Variants in BLTP3B observed in about 807,000 individuals in gnomAD.
BLTP3B encodes the protein UHRF1 (ICBP90) binding protein 1-like.
At chr12:100,048,101 C>A in the BLTP3B span, 2 of 1,612,938 alleles carry the variant, frequency 1.2e-6, no homozygotes, top group Non-Finnish European at 8.5e-7. Context: ...TTTTTTTCTG[C>A]AAGTAAAGAG....
the BLTP3B span, among the ~76,000 whole-genome samples, chr12:100,038,343 CT>C: frequency 6.6e-6 from 1 of 151,022 alleles, no homozygotes; most frequent in African/African-American, 2.4e-5. Flanking sequence ...CAGACATTTT[CT>C]TTTTTTTTGA....
At chr12:100,064,573 G>A in the BLTP3B span, among the ~76,000 whole-genome samples, 2 of 152,126 alleles carry the variant, frequency 1.3e-5, no homozygotes, top group Non-Finnish European at 2.9e-5. Context: ...AAATCTATCA[G>A]ATTAATAGCA....
chr12:100,060,150 AC>A, the BLTP3B span: 3 of 903,714 alleles, frequency 3.3e-6, no homozygotes, highest in Non-Finnish European at 4.7e-6. Context: ...TTAAGATAAA[AC>A]AAATTTGAGG....
chr12:100,068,243 G>T, the BLTP3B span, among the ~76,000 whole-genome samples: 2 of 152,152 alleles, frequency 1.3e-5, no homozygotes, highest in African/African-American at 4.8e-5. Flanking sequence ...AACATAAAGT[G>T]GGGAAAGGAC....
chr12:100,064,785 C>T, the BLTP3B span, among the ~76,000 whole-genome samples: 11 of 151,130 alleles, frequency 7.3e-5, no homozygotes, highest in African/African-American at 2.2e-4. Context: ...ACTGCTAAAA[C>T]GAGCTCAAAA....
At chr12:100,103,425 A>G in the BLTP3B span, among the ~76,000 whole-genome samples, 28 of 152,030 alleles carry the variant, frequency 1.8e-4, no homozygotes, top group Middle Eastern at 3.4e-3. Flanking sequence ...TTCATTCTCT[A>G]TTTCATATAT....
the BLTP3B span, among the ~76,000 whole-genome samples, chr12:100,064,894 AT>A: frequency 7.2e-5 from 11 of 151,892 alleles, no homozygotes; most frequent in Middle Eastern, 3.4e-3. Flanking sequence ...AAAATTAACA[AT>A]TAAAAAAAAA....
the BLTP3B span, among the ~76,000 whole-genome samples, chr12:100,042,422 CA>C: frequency 6.6e-6 from 1 of 152,138 alleles, no homozygotes; most frequent in African/African-American, 2.4e-5. Flanking sequence ...GTGGTAGTAT[CA>C]AAGACAGACA....
chr12:100,069,608 C>G, the BLTP3B span, among the ~76,000 whole-genome samples: 2 of 151,436 alleles, frequency 1.3e-5, no homozygotes, highest in Admixed American at 1.3e-4. Flanking sequence ...AACTCAGAAA[C>G]AGAAAACTAA....
the BLTP3B span, chr12:100,058,659 A>G: frequency 6.2e-7 from 1 of 1,614,094 alleles, no homozygotes; most frequent in Non-Finnish European, 8.5e-7. Flanking sequence ...CACTGGATGG[A>G]GCAAAAGAGC....
the BLTP3B span, among the ~76,000 whole-genome samples, chr12:100,129,408 T>A: frequency 1.3e-5 from 2 of 152,310 alleles, no homozygotes; most frequent in Non-Finnish European, 2.9e-5. Flanking sequence ...GTAGTACAAA[T>A]TTATTTCTCC....
the BLTP3B span, among the ~76,000 whole-genome samples, chr12:100,124,936 TTATATA>T: frequency 3.3e-3 from 185 of 56,532 alleles, 4 homozygotes; most frequent in East Asian, 0.013. Context: ...AAAAAAAATT[TTATATA>T]TATATATATA....
chr12:100,059,150 T>G, the BLTP3B span: 3 of 1,614,150 alleles, frequency 1.9e-6, no homozygotes, highest in Non-Finnish European at 1.7e-6. Flanking sequence ...CTTTTCCACT[T>G]TTCATCCCTT....
the BLTP3B span, among the ~76,000 whole-genome samples, chr12:100,135,980 A>C: frequency 4.8e-4 from 73 of 152,300 alleles, no homozygotes; most frequent in Non-Finnish European, 7.9e-4. Flanking sequence ...TGGGAGGCCA[A>C]AGTGGGTGGA....
chr12:100,142,773 C>A, the BLTP3B span: 2 of 1,300,584 alleles, frequency 1.5e-6, no homozygotes, highest in Non-Finnish European at 2.0e-6. Context: ...ACCCAAGGCC[C>A]CGGCCAAGGC....
At chr12:100,127,879 G>A in the BLTP3B span, among the ~76,000 whole-genome samples, 1 of 151,988 alleles carries the variant, frequency 6.6e-6, no homozygotes, top group African/African-American at 2.4e-5. Flanking sequence ...CCAGGCATGG[G>A]GTACATGCCT....
At chr12:100,084,873 T>C in the BLTP3B span, among the ~76,000 whole-genome samples, 1 of 152,202 alleles carries the variant, frequency 6.6e-6, no homozygotes, top group Non-Finnish European at 1.5e-5. Context: ...GAGGAGTTTC[T>C]ATCTAGTACC....
the BLTP3B span, among the ~76,000 whole-genome samples, chr12:100,049,000 T>C: frequency 6.6e-6 from 1 of 152,052 alleles, no homozygotes; most frequent in Admixed American, 6.6e-5. Flanking sequence ...AGGGTAACCA[T>C]TTTGCTTATT....
At chr12:100,070,197 C>T in the BLTP3B span, 2 of 1,554,324 alleles carry the variant, frequency 1.3e-6, no homozygotes, top group African/African-American at 1.4e-5. Flanking sequence ...GAAACACACA[C>T]AGATAAACAA....
Sources: allele counts gnomAD v4.1 joint callset (sites outside exome capture counted in the v4.1 genomes callset), GRCh38; gene constraint gnomAD v4.1.1; transcripts MANE v1.5; gene names NCBI Gene and HGNC (gene_info 2026-07-23, HGNC 2026-07-21).